LSAMP: variants seen among roughly 807,000 people sequenced by gnomAD.
The protein encoded by LSAMP is limbic system-associated membrane protein.
In LSAMP, 7 loss-of-function variants were observed where a neutral mutation model predicts 38.6. The ratio of observed to expected loss-of-function variants is 0.18; its 90% CI spans 0.10 to 0.34. LSAMP has a LOEUF of 0.34. Among genes scored for constraint, LSAMP ranks in the 10% least tolerant of loss-of-function variants. The pLI is 1.00. For synonymous variants in LSAMP, 154 were observed against 166.8 expected (o/e 0.92, Z 0.59); for missense variants, 313 against 420.0 (o/e 0.75, Z 2.23).
Position 116,404,593 on chromosome 3 carries a change from C to A in LSAMP, c.155+40284G>T, listed in dbSNP as rs944984264. On this transcript the variant is annotated intron_variant, in intron 1 of 6. Transcript: ENST00000490035. ...AAGTCGTAAAGTCAAAGGAAGACAG[C>A]CTGTCATTATTATTACAATGATAAT... Among the ~76,000 whole-genome samples the A allele has an allele frequency of 2.0e-5, 3 of 152,176 alleles. No individual in the cohort carries two copies. The South Asian group carries it at 6.2e-4, about 32-fold the overall frequency.
At chr3:115,834,577 G>A in intron 6 of LSAMP, 2 of 1,274,508 alleles carry the variant, frequency 1.6e-6, no homozygotes, top group African/African-American at 1.5e-5. Flanking sequence ...ATGGGGTGGG[G>A]GATTGTGGGT....
At chr3:115,997,844 T>TA (rs1199022792) in intron 3 of LSAMP, among the ~76,000 whole-genome samples, 2 of 145,804 alleles carry the variant, frequency 1.4e-5, no homozygotes, top group Non-Finnish European at 1.5e-5. Context: ...TTAGAATATA[T>TA]ATTATGTATT....
At chr3:116,286,319 C>T (rs2047194056) in intron 1 of LSAMP, among the ~76,000 whole-genome samples, 1 of 152,174 alleles carries the variant, frequency 6.6e-6, no homozygotes, top group East Asian at 1.9e-4. Flanking sequence ...TTTTAGGAAA[C>T]AACCTTGCCA....
rs567055998 is a variant in LSAMP, at chr3:116,324,443, C to T, written c.155+120434G>A. Among the ~76,000 whole-genome samples the T allele has an allele frequency of 3.2e-4, 48 of 152,116 alleles. 2 individuals are homozygous for T. In the South Asian group the frequency reaches 6.4e-3, roughly 20 times the overall value. Reference sequence around the variant, plus strand: ...TAATTGAGGATCTACTTCTGAAAGCCGGGAATTGTGGATATAATGATTAGC... The same window carrying T: ...TAATTGAGGATCTACTTCTGAAAGCTGGGAATTGTGGATATAATGATTAGC... On this transcript the variant is annotated intron_variant, in intron 1 of 6. Coordinates refer to ENST00000490035, the MANE Select transcript of LSAMP (RefSeq NM_002338.5).
rs142958055 is a variant in LSAMP at position 115,919,659 on chromosome 3, T to A, written c.515-67042A>T. 9.6e-3 allele frequency among the ~76,000 whole-genome samples: 1,461 copies of A among 152,324 alleles called. 29 individuals carry two copies. The highest frequency in any genetic ancestry group is 0.033 in the African/African-American group (1,368 of 41,570). On this transcript the variant is annotated intron_variant, in intron 3 of 6. Transcript: ENST00000490035. ...CGGAGTCTTGCTCTGTCACTTAGGCTGGAGTGCAGTGGCGCGATCTTGGCT... is the reference window on the plus strand; with the variant it reads ...CGGAGTCTTGCTCTGTCACTTAGGCAGGAGTGCAGTGGCGCGATCTTGGCT...
At chr3:116,348,738 G>T (rs2048096900) in intron 1 of LSAMP, among the ~76,000 whole-genome samples, 1 of 151,950 alleles carries the variant, frequency 6.6e-6, no homozygotes, top group Non-Finnish European at 1.5e-5. Context: ...TATTACTTCT[G>T]CAAAAATTTA....
At chr3:116,130,157 T>C (rs1230273406) in intron 1 of LSAMP, among the ~76,000 whole-genome samples, 4 of 152,206 alleles carry the variant, frequency 2.6e-5, no homozygotes, top group Non-Finnish European at 5.9e-5. Flanking sequence ...CTGCCCTACC[T>C]ACCTGACTTT....
intron 1 of LSAMP, among the ~76,000 whole-genome samples, chr3:116,229,175 G>A (rs542042900): frequency 1.8e-3 from 278 of 152,146 alleles, no homozygotes; most frequent in Non-Finnish European, 1.9e-3. Context: ...GTTATTCTAT[G>A]AAATTCAGAT....
chr3:116,325,232 C>T (rs2047754574), intron 1 of LSAMP, among the ~76,000 whole-genome samples: 1 of 151,944 alleles, frequency 6.6e-6, no homozygotes. Flanking sequence ...CTTCAAACTC[C>T]TGGCCTCAAG....
intron 1 of LSAMP, among the ~76,000 whole-genome samples, chr3:116,442,558 GAGA>G (rs1402914131): frequency 6.6e-6 from 1 of 152,130 alleles, no homozygotes; most frequent in Non-Finnish European, 1.5e-5. Flanking sequence ...TAAAGAGATT[GAGA>G]AGAAGGTCAG....
intron 1 of LSAMP, among the ~76,000 whole-genome samples, chr3:116,265,732 A>ACAG (rs1311684855): frequency 6.6e-6 from 1 of 152,184 alleles, no homozygotes; most frequent in African/African-American, 2.4e-5. Context: ...GGACTCAAAT[A>ACAG]CAGGCTTCCT....
intron 1 of LSAMP, among the ~76,000 whole-genome samples, chr3:116,317,835 T>C (rs968099500): frequency 1.3e-5 from 2 of 151,732 alleles, no homozygotes; most frequent in Non-Finnish European, 2.9e-5. Flanking sequence ...TCAAATGTCT[T>C]ATATAAAATC....
intron 4 of LSAMP, among the ~76,000 whole-genome samples, chr3:115,850,644 A>C (rs951726743): frequency 1.3e-5 from 2 of 152,252 alleles, no homozygotes; most frequent in African/African-American, 4.8e-5. Context: ...ATTGGAAGAT[A>C]GCTAGGGATA....
At chr3:115,880,898 T>A (rs545725957) in intron 3 of LSAMP, among the ~76,000 whole-genome samples, 16 of 151,580 alleles carry the variant, frequency 1.1e-4, no homozygotes, top group Non-Finnish European at 1.8e-4. Flanking sequence ...ATGAGCCAGG[T>A]GTGGTAGCGG....
chr3:116,045,443 T>C (rs1353623923), intron 2 of LSAMP, among the ~76,000 whole-genome samples: 1 of 151,142 alleles, frequency 6.6e-6, no homozygotes, highest in East Asian at 2.0e-4. Flanking sequence ...GGTTTCACTG[T>C]CATATTTTGG....
intron 3 of LSAMP, among the ~76,000 whole-genome samples, chr3:116,016,762 A>G (rs1322804838): frequency 3.3e-5 from 5 of 152,192 alleles, no homozygotes; most frequent in Non-Finnish European, 7.3e-5. Context: ...TTTGAATTGT[A>G]TATATATAGA....
At chr3:116,227,238 A>G (rs1489417636) in intron 1 of LSAMP, among the ~76,000 whole-genome samples, 1 of 152,186 alleles carries the variant, frequency 6.6e-6, no homozygotes, top group African/African-American at 2.4e-5. Flanking sequence ...ACTCAAGTAG[A>G]GCCTACTCAT....
At chr3:116,316,861 T>C (rs2047636256) in intron 1 of LSAMP, among the ~76,000 whole-genome samples, 1 of 151,722 alleles carries the variant, frequency 6.6e-6, no homozygotes, top group African/African-American at 2.4e-5. Flanking sequence ...ATAAAAGTTA[T>C]TGCCAAAATG....
chr3:116,104,991 T>C (rs551162058), intron 1 of LSAMP, among the ~76,000 whole-genome samples: 1 of 152,266 alleles, frequency 6.6e-6, no homozygotes, highest in South Asian at 2.1e-4. Context: ...GGCACTTTCA[T>C]AGCAGGCACC....
Sources: allele counts gnomAD v4.1 joint callset (sites outside exome capture counted in the v4.1 genomes callset), GRCh38; gene constraint gnomAD v4.1.1; transcripts MANE v1.5; gene names NCBI Gene and HGNC (gene_info 2026-07-23, HGNC 2026-07-21).